COL6A3: variants seen among roughly 807,000 people sequenced by gnomAD.
The protein encoded by COL6A3 is collagen type VI alpha 3 chain.
In COL6A3, 137 loss-of-function variants were observed where a neutral mutation model predicts 274.1. The observed-to-expected ratio is 0.50, with a 90% CI of 0.44 to 0.58. The LOEUF (loss-of-function observed/expected upper bound fraction) is 0.58. Among genes scored for constraint, COL6A3 ranks in the 20% least tolerant of loss-of-function variants. The pLI is 0.00. For synonymous variants in COL6A3, 1,650 were observed against 1,650.6 expected (o/e 1.00, Z 0.01); for missense variants, 3,950 against 4,124.9 (o/e 0.96, Z 1.16).
intron 42 of COL6A3, among the ~76,000 whole-genome samples, chr2:237,331,234 G>A (rs1440878807): frequency 6.6e-6 from 1 of 152,142 alleles, no homozygotes; most frequent in Non-Finnish European, 1.5e-5. Flanking sequence ...TGCAACTACT[G>A]AGTAAGCATG....
At position 237,397,139 on chromosome 2, in the gene COL6A3, A is replaced by AGAAGG. The variant is rs140417880; in HGVS notation, c.-30-297_-30-293dup. On this transcript the variant is annotated intron_variant, in intron 1 of 43. Coordinates refer to ENST00000295550, the MANE Select transcript of COL6A3 (RefSeq NM_004369.4). Reference sequence around the variant, plus strand: ...GAGGGAGGGAGGGAAGGAAGGAAGGAGAAGGGAAGGGAAGAGAAGGGAAGG... The same window carrying AGAAGG: ...GAGGGAGGGAGGGAAGGAAGGAAGGAGAAGGGAAGGGAAGGGAAGAGAAGGGAAGG... Among the ~76,000 whole-genome samples the AGAAGG allele has an allele frequency of 0.053, 7,599 of 143,436 alleles. 668 individuals carry two copies. Among genetic ancestry groups the AGAAGG allele is most frequent in the African/African-American group, 0.16 (6,053 of 36,886 alleles). 94.1% of individuals were successfully genotyped at this position (143,436 alleles called of 152,430 possible).
In COL6A3 at chr2:237,353,414, A is replaced by G; in HGVS notation, c.6628-11T>C. 6.2e-7 allele frequency: 1 copy of G among 1,613,566 alleles called. No homozygotes were observed. Among genetic ancestry groups the G allele is most frequent in the Non-Finnish European group, 8.5e-7 (1 of 1,179,626 alleles). On this transcript the variant is annotated splice_polypyrimidine_tract_variant and intron_variant, in intron 24 of 43. Transcript: ENST00000295550. Reference sequence around the variant, plus strand: ...ACCGCCCTTGTTGCCCTTTGAAATAAGAGAAGATGCAGGGAGGAGTCAGGA... The same window carrying G: ...ACCGCCCTTGTTGCCCTTTGAAATAGGAGAAGATGCAGGGAGGAGTCAGGA...
chr2:237,377,464 C>T (rs1376585463), intron 6 of COL6A3, 120 bp from the exon 7 acceptor site: 2 of 963,740 alleles, frequency 2.1e-6, no homozygotes, highest in Non-Finnish European at 3.2e-6. Flanking sequence ...GACCACTGTG[C>T]CAGCAAGAGA....
intron 39 of COL6A3, among the ~76,000 whole-genome samples, chr2:237,338,337 G>A (rs952578283): frequency 3.9e-5 from 6 of 152,194 alleles, no homozygotes; most frequent in African/African-American, 1.4e-4. Context: ...GCCCATCTGA[G>A]ACCACTCTAG....
chr2:237,340,972 T>C lies in COL6A3; in HGVS notation c.7944A>G (p.Gln2648=). 6.2e-7 allele frequency: 1 copy of C among 1,614,158 alleles called. No individual in the cohort carries two copies. The highest frequency in any genetic ancestry group is 8.5e-7 in the Non-Finnish European group (1 of 1,180,020). ...CCTTGGGATCTGGGCTCATGTCCAG[T>C]TGTCTGACCAGGTACGCTATGTACT... ...MKKYIAYLVR[Q]LDMSPDPKAS... Residue 2648 remains glutamine (Q), a synonymous_variant, in exon 38 of 44, where the codon CAA becomes CAG. Coordinates refer to ENST00000295550, the MANE Select transcript of COL6A3 (RefSeq NM_004369.4).
At chr2:237,338,022 C>T (rs2106316521) in intron 39 of COL6A3, among the ~76,000 whole-genome samples, 1 of 152,342 alleles carries the variant, frequency 6.6e-6, no homozygotes, top group Admixed American at 6.5e-5. Context: ...TCATTTCACA[C>T]CAGATACGGT....
intron 1 of COL6A3, among the ~76,000 whole-genome samples, chr2:237,402,138 A>C (rs1324823526): frequency 6.6e-6 from 1 of 152,180 alleles, no homozygotes; most frequent in Non-Finnish European, 1.5e-5. Flanking sequence ...CAAATGCATT[A>C]CTTTATAATT....
chr2:237,324,405 A>G lies in COL6A3; in HGVS notation c.*369T>C, dbSNP rs1699823953. 1 of 219,390 alleles carries G rather than the reference A, an allele frequency of 4.6e-6. No homozygotes were observed. The allele number at this position is 219,390 out of a possible 1,614,324, so 13.6% of individuals were successfully genotyped here. On this transcript the variant is annotated 3_prime_UTR_variant, in exon 44 of 44. Coordinates refer to ENST00000295550, the MANE Select transcript of COL6A3 (RefSeq NM_004369.4). Reference sequence around the variant, plus strand: ...GAAAAAAAATGAACCAAGCAAAAGTATATAGAGTAGCCGTGACATTTGCAT... The same window carrying G: ...GAAAAAAAATGAACCAAGCAAAAGTGTATAGAGTAGCCGTGACATTTGCAT...
chr2:237,381,057 C>G lies in COL6A3; in HGVS notation c.1755G>C (p.Lys585Asn). The part of the protein sequence containing the change: ...SSIMAFAIGN[K>N]GADQAELEEI... The stretch of plus-strand genomic sequence containing the variant: ...CTTCCAGCTCAGCCTGATCGGCACC[C>G]TTGTTCCCAATGGCAAAGGCCATTA... The change falls in exon 5 of 44, where the codon AAG becomes AAC. Residue 585 changes from lysine (K) to asparagine (N), a missense_variant. Physicochemically the swap from Lys to Asn is moderately conservative, Grantham distance 94. Around this residue, in one of 5 missense-constraint regions of COL6A3, gnomAD observed 1,934 missense variants for 1,984.3 expected, o/e 0.97. Transcript: ENST00000295550. 6.2e-7 allele frequency: 1 copy of G among 1,614,240 alleles called. No homozygotes were observed. Among genetic ancestry groups the G allele is most frequent in the Non-Finnish European group, 8.5e-7 (1 of 1,180,046 alleles).
At position 237,336,357 on chromosome 2, in the gene COL6A3, C is replaced by T. The variant is rs377528704; in HGVS notation, c.8743G>A (p.Ala2915Thr). ...ACAGGCTTGGCAGCCACAGGTTTCG[C>T]AGGGGCCGGCTTTGCAGCGGCTGGC... is the stretch of plus-strand genomic sequence containing the variant. ...VKPAAAKPAP[A>T]KPVAAKPVAT... Residue 2915 changes from alanine (A) to threonine (T), a missense_variant, in exon 40 of 44, where the codon GCG (alanine) becomes ACG (threonine). Coordinates refer to ENST00000295550, the MANE Select transcript of COL6A3 (RefSeq NM_004369.4). 1.6e-5 allele frequency: 26 copies of T among 1,613,580 alleles called. No homozygotes were observed. Among genetic ancestry groups the T allele is most frequent in the Non-Finnish European group, 2.0e-5 (24 of 1,179,684 alleles).
At chr2:237,391,463 C>T (rs559235415) in intron 3 of COL6A3, among the ~76,000 whole-genome samples, 10 of 152,258 alleles carry the variant, frequency 6.6e-5, no homozygotes, top group Non-Finnish European at 1.5e-4. Flanking sequence ...TATAACAAAA[C>T]GTCAATAAAA....
Position 237,361,702 on chromosome 2 carries a change from CT to C in COL6A3, c.6156+36del. On this transcript the variant is annotated intron_variant, in intron 15 of 43. Coordinates refer to ENST00000295550, the MANE Select transcript of COL6A3 (RefSeq NM_004369.4). This position sits in a 1 kb window ranked among gnomAD's most constrained non-coding sequence, Gnocchi z 5.1. ...CAAAGTAATGTCGGGCTTCTGACAC[CT>C]CATCTCAGGCGTGGGCAAGGGTAAA... is the stretch of plus-strand genomic sequence containing the variant. The C allele has an allele frequency of 6.4e-7, 1 of 1,569,768 alleles. No individual in the cohort carries two copies. The highest frequency in any genetic ancestry group is 8.8e-7 in the Non-Finnish European group (1 of 1,139,452).
chr2:237,349,346 G>A (rs1227403275), intron 28 of COL6A3, among the ~76,000 whole-genome samples: 1 of 152,202 alleles, frequency 6.6e-6, no homozygotes, highest in African/African-American at 2.4e-5. Flanking sequence ...CTAGAGATCT[G>A]TTGACCCAAA....
intron 7 of COL6A3, among the ~76,000 whole-genome samples, chr2:237,375,571 T>C (rs2077816276): frequency 6.6e-6 from 1 of 152,206 alleles, no homozygotes; most frequent in Non-Finnish European, 1.5e-5. Flanking sequence ...GGACAGAATT[T>C]CGCTCTTGTC....
At chr2:237,389,517 A>G (rs2078234713) in intron 3 of COL6A3, among the ~76,000 whole-genome samples, 1 of 152,216 alleles carries the variant, frequency 6.6e-6, no homozygotes, top group African/African-American at 2.4e-5. Flanking sequence ...TATATTTAAA[A>G]TTAATGTTTC....
At chr2:237,357,181 T>A in intron 23 of COL6A3, 157 bp downstream of exon 23, 1 of 776,834 alleles carries the variant, frequency 1.3e-6, no homozygotes, top group East Asian at 2.4e-5. Flanking sequence ...AGGGAAATTA[T>A]AAGAATGAAA....
chr2:237,368,538 T>C lies in COL6A3; in HGVS notation c.4900+25A>G, dbSNP rs774432638. The C allele has an allele frequency of 3.7e-6, 6 of 1,613,170 alleles. No individual in the cohort carries two copies. In the African/African-American group the frequency reaches 5.3e-5, roughly 14 times the overall value. ...AAAAAAATGTTGATGTCACACTCTG[T>C]AGTCATGGGTCACACGGTGCATACC... On this transcript the variant is annotated intron_variant, in intron 10 of 43. Coordinates refer to ENST00000295550, the MANE Select transcript of COL6A3 (RefSeq NM_004369.4). The surrounding 1 kb of genome is among the most constrained non-coding windows in gnomAD (Gnocchi z 4.4).
chr2:237,342,081 C>G lies in COL6A3; in HGVS notation c.7749G>C (p.Thr2583=). ...ACAGCTTACCCAAGCAAACATGACACGTGAGGACATTCTCCAGGAAGTCTG... is the reference window on the plus strand; with the variant it reads ...ACAGCTTACCCAAGCAAACATGACAGGTGAGGACATTCTCCAGGAAGTCTG... The part of the protein sequence containing the change: ...DLTDFLENVL[T]CHVCLDICNI... Residue 2583 remains threonine, a synonymous_variant, in exon 37 of 44, where the codon ACG becomes ACC. Transcript: ENST00000295550. 1 of 1,614,152 alleles carries G rather than the reference C, an allele frequency of 6.2e-7. No homozygotes were observed. The highest frequency in any genetic ancestry group is 2.2e-5 in the East Asian group (1 of 44,876).
chr2:237,346,578 GAACA>G lies in COL6A3; in HGVS notation c.7030-17_7030-14del. On this transcript the variant is annotated splice_polypyrimidine_tract_variant and intron_variant, in intron 31 of 43. Coordinates refer to ENST00000295550, the MANE Select transcript of COL6A3 (RefSeq NM_004369.4). ...GTCCCGAATTTCCCTAGAGGGAGCA[GAACA>G]AACATTGTTCAACTGTGTCAGAAAG... 3 of 1,611,350 alleles carry G rather than the reference GAACA, an allele frequency of 1.9e-6. No individual in the cohort carries two copies. Among genetic ancestry groups the G allele is most frequent in the South Asian group, 1.1e-5 (1 of 91,000 alleles).
Sources: gnomAD v4.1 joint callset for allele counts (sites outside exome capture counted in the v4.1 genomes callset) on GRCh38, gnomAD v4.1.1 for gene constraint, gnomAD v4.1.1 regional missense constraint, Gnocchi (gnomAD v3.1) non-coding constraint, MANE v1.5 for transcripts, NCBI Gene and HGNC (gene_info 2026-07-23, HGNC 2026-07-21) for gene names.